CSMD3: variants seen among roughly 807,000 people sequenced by gnomAD.
CSMD3 encodes the protein CUB and sushi domain-containing protein 3.
A neutral mutation model predicts 435.2 loss-of-function variants in CSMD3; 177 were observed. The ratio of observed to expected loss-of-function variants is 0.41; its 90% CI spans 0.36 to 0.46. CSMD3 has a LOEUF of 0.46. Among genes scored for constraint, CSMD3 ranks in the 20% least tolerant of loss-of-function variants. CSMD3 has a pLI of 0.34. For synonymous variants in CSMD3, 1,656 were observed against 1,520.5 expected (o/e 1.09, Z -2.07); for missense variants, 4,265 against 4,504.6 (o/e 0.95, Z 1.52).
At chr8:112,872,617 G>A (rs1454558426) in intron 10 of CSMD3, among the ~76,000 whole-genome samples, 1 of 151,914 alleles carries the variant, frequency 6.6e-6, no homozygotes, top group African/African-American at 2.4e-5. Flanking sequence ...CGAAAGTCAT[G>A]TTTATCTACA....
intron 31 of CSMD3, 78 bp from the exon 32 acceptor site, chr8:112,472,785 A>C (rs11783041): frequency 0.25 from 193,239 of 772,856 alleles, 25,655 homozygotes; most frequent in East Asian, 0.4. Context: ...TCTTCATATA[A>C]AAAATATATG....
At chr8:112,832,106 A>T (rs960775937) in intron 11 of CSMD3, among the ~76,000 whole-genome samples, 7 of 152,196 alleles carry the variant, frequency 4.6e-5, no homozygotes, top group African/African-American at 1.7e-4. Flanking sequence ...ACTCTGGTAA[A>T]AATTATTAAT....
chr8:112,385,287 G>T (rs1829832622), intron 36 of CSMD3, among the ~76,000 whole-genome samples: 1 of 151,832 alleles, frequency 6.6e-6, no homozygotes, highest in Non-Finnish European at 1.5e-5. Context: ...TTGTCATAAG[G>T]GTATCAAATT....
intron 5 of CSMD3, among the ~76,000 whole-genome samples, chr8:113,090,634 T>G (rs1317427554): frequency 6.6e-6 from 1 of 152,138 alleles, no homozygotes; most frequent in Non-Finnish European, 1.5e-5. Context: ...CACACTGTGC[T>G]TTGCCAACAT....
intron 1 of CSMD3, among the ~76,000 whole-genome samples, chr8:113,370,918 T>G (rs996417413): frequency 6.6e-6 from 1 of 152,112 alleles, no homozygotes; most frequent in African/African-American, 2.4e-5. Flanking sequence ...CAAATTATCT[T>G]TATTCTAGAG....
Position 113,389,215 on chromosome 8 carries a change from G to C in CSMD3, c.178+47462C>G, listed in dbSNP as rs150694595. On this transcript the variant is annotated intron_variant, in intron 1 of 70. Coordinates refer to ENST00000297405, the MANE Select transcript of CSMD3 (RefSeq NM_198123.2). ...TTCAGGACAAAAGGAATATTCTCTT[G>C]CACTTTAAATTGAATACTTTAAACA... Among the ~76,000 whole-genome samples, 9 of 151,646 alleles carry C rather than the reference G, an allele frequency of 5.9e-5. No homozygotes were observed. The East Asian group carries it at 1.5e-3, about 26-fold the overall frequency.
intron 40 of CSMD3, among the ~76,000 whole-genome samples, chr8:112,348,163 A>T (rs916081154): frequency 2.0e-5 from 3 of 152,224 alleles, no homozygotes; most frequent in Non-Finnish European, 4.4e-5. Flanking sequence ...CAATTTGTTC[A>T]TGTCTATTTC....
intron 4 of CSMD3, among the ~76,000 whole-genome samples, chr8:113,162,611 A>T (rs982964873): frequency 2.0e-5 from 3 of 151,626 alleles, no homozygotes; most frequent in Admixed American, 2.0e-4. Context: ...ACTCTAACCA[A>T]ATTTCTTGAA....
At chr8:112,473,938 G>A (rs987006027) in intron 31 of CSMD3, among the ~76,000 whole-genome samples, 8 of 151,894 alleles carry the variant, frequency 5.3e-5, no homozygotes, top group Non-Finnish European at 1.2e-4. Context: ...GCCTGTTGCC[G>A]ACAGCTAGTA....
At chr8:113,287,640 T>TA (rs1470021702) in intron 2 of CSMD3, among the ~76,000 whole-genome samples, 2 of 152,050 alleles carry the variant, frequency 1.3e-5, no homozygotes, top group Non-Finnish European at 2.9e-5. Flanking sequence ...GGTATACATG[T>TA]AAATATTTGT....
intron 38 of CSMD3, among the ~76,000 whole-genome samples, chr8:112,365,456 C>A (rs566576280): frequency 7.2e-6 from 1 of 139,588 alleles, no homozygotes. Flanking sequence ...AAAAAAATTA[C>A]GCATAGATTT....
intron 17 of CSMD3, among the ~76,000 whole-genome samples, chr8:112,658,848 G>C (rs1015608554): frequency 6.6e-6 from 1 of 152,026 alleles, no homozygotes; most frequent in Non-Finnish European, 1.5e-5. Context: ...CTAGCTACTC[G>C]GGAGGCTGAG....
chr8:112,360,281 T>G (rs1185395447), intron 38 of CSMD3, among the ~76,000 whole-genome samples: 1 of 151,926 alleles, frequency 6.6e-6, no homozygotes, highest in African/African-American at 2.4e-5. Context: ...GTCATATATA[T>G]AAAAAACTAT....
At chr8:113,027,467 T>C (rs1042928216) in intron 5 of CSMD3, among the ~76,000 whole-genome samples, 1 of 152,194 alleles carries the variant, frequency 6.6e-6, no homozygotes, top group African/African-American at 2.4e-5. Context: ...GCAAGTCATG[T>C]ATGTAGAGTG....
At chr8:113,293,160 C>T (rs1363409353) in intron 2 of CSMD3, among the ~76,000 whole-genome samples, 1 of 151,324 alleles carries the variant, frequency 6.6e-6, no homozygotes, top group Non-Finnish European at 1.5e-5. Context: ...CATCTATACT[C>T]TCATAGGTGA....
chr8:113,248,125 A>G (rs1180086172), intron 3 of CSMD3, among the ~76,000 whole-genome samples: 1 of 152,042 alleles, frequency 6.6e-6, no homozygotes, highest in Non-Finnish European at 1.5e-5. Context: ...CTTGTGAAGT[A>G]TCTGACTTTT....
intron 13 of CSMD3, among the ~76,000 whole-genome samples, chr8:112,785,012 A>C (rs1450158914): frequency 6.6e-6 from 1 of 152,054 alleles, no homozygotes; most frequent in Non-Finnish European, 1.5e-5. Flanking sequence ...AAAAATCCTC[A>C]ACAAAATACT....
At chr8:113,148,460 G>C (rs2091730223) in intron 4 of CSMD3, among the ~76,000 whole-genome samples, 2 of 151,774 alleles carry the variant, frequency 1.3e-5, no homozygotes, top group Middle Eastern at 3.4e-3. Context: ...TATCTTCTGT[G>C]TAATTATTTT....
At chr8:112,535,559 G>A (rs1432532692) in intron 27 of CSMD3, among the ~76,000 whole-genome samples, 4 of 150,160 alleles carry the variant, frequency 2.7e-5, no homozygotes, top group Admixed American at 6.7e-5. Context: ...ATGCTCATGG[G>A]TAGGAAGAAT....
Sources: gnomAD v4.1 joint callset for allele counts (sites outside exome capture counted in the v4.1 genomes callset) on GRCh38, gnomAD v4.1.1 for gene constraint, MANE v1.5 for transcripts, NCBI Gene and HGNC (gene_info 2026-07-23, HGNC 2026-07-21) for gene names.